The following CDK17 variants were observed in gnomAD, a reference collection of about 807,000 sequenced individuals.
CDK17 encodes the protein cyclin dependent kinase 17.
Under a neutral mutation model 77.6 loss-of-function variants are expected in CDK17, and 24 were observed. That is an observed-to-expected ratio of 0.31 (90% CI 0.22 to 0.44). CDK17 has a LOEUF of 0.44. CDK17 is among the 20% of genes least tolerant of loss of function. CDK17 has a pLI of 1.00. For missense variants in CDK17, 429 were observed against 622.5 expected (o/e 0.69, Z 3.31); for synonymous variants, 203 against 210.4 (o/e 0.96, Z 0.30).
intron 1 of CDK17, among the ~76,000 whole-genome samples, chr12:96,394,828 A>G (rs1057124816): frequency 2.0e-5 from 3 of 150,606 alleles, no homozygotes; most frequent in African/African-American, 4.9e-5. Context: ...AAAAAGGTAG[A>G]CAAAAAATAT....
intron 1 of CDK17, among the ~76,000 whole-genome samples, chr12:96,353,183 C>A (rs1953337871): frequency 6.6e-6 from 1 of 152,158 alleles, no homozygotes; most frequent in Non-Finnish European, 1.5e-5. Context: ...TAAATACATT[C>A]ACATGAATTC....
chr12:96,293,184 T>C (rs1463515869), intron 10 of CDK17, among the ~76,000 whole-genome samples: 2 of 152,206 alleles, frequency 1.3e-5, no homozygotes, highest in East Asian at 3.8e-4. Context: ...TGGCCTTCTT[T>C]CACATTTTTG....
chr12:96,304,297 C>G (rs538646916), intron 5 of CDK17, among the ~76,000 whole-genome samples: 31 of 152,028 alleles, frequency 2.0e-4, no homozygotes, highest in African/African-American at 7.3e-4. Context: ...CCAGCACTTT[C>G]GGAGGCCGAG....
At chr12:96,285,787 G>T (rs1041548860) in intron 13 of CDK17, 4 of 223,072 alleles carry the variant, frequency 1.8e-5, no homozygotes, top group Non-Finnish European at 3.5e-5. Context: ...TAATTCTGTA[G>T]AAAGCAAAAC....
chr12:96,394,243 C>T (rs1251164228), intron 1 of CDK17, among the ~76,000 whole-genome samples: 1 of 147,026 alleles, frequency 6.8e-6, no homozygotes, highest in Non-Finnish European at 1.5e-5. Context: ...GAGACTCCAT[C>T]TCAAAAAAAA....
chr12:96,383,113 T>C (rs1289405429), intron 1 of CDK17, among the ~76,000 whole-genome samples: 1 of 152,070 alleles, frequency 6.6e-6, no homozygotes, highest in East Asian at 1.9e-4. Context: ...ATTTCTATAT[T>C]ACAACATTCT....
chr12:96,365,121 T>C (rs528296340), intron 1 of CDK17, among the ~76,000 whole-genome samples: 1 of 152,206 alleles, frequency 6.6e-6, no homozygotes, highest in Non-Finnish European at 1.5e-5. Context: ...ATATTCAATG[T>C]TAAATAAAAA....
intron 1 of CDK17, among the ~76,000 whole-genome samples, chr12:96,395,723 T>G (rs780385245): frequency 6.6e-6 from 1 of 152,168 alleles, no homozygotes; most frequent in Non-Finnish European, 1.5e-5. Context: ...TAGGTTTAGA[T>G]TAGGTCCTAA....
At chr12:96,343,030 T>C (rs949251944) in intron 1 of CDK17, among the ~76,000 whole-genome samples, 3 of 152,272 alleles carry the variant, frequency 2.0e-5, no homozygotes, top group Non-Finnish European at 2.9e-5. Context: ...ATAGTATGAA[T>C]AGTGAAACAC....
At chr12:96,396,033 C>T (rs895694981) in intron 1 of CDK17, among the ~76,000 whole-genome samples, 1 of 152,188 alleles carries the variant, frequency 6.6e-6, no homozygotes, top group African/African-American at 2.4e-5. Flanking sequence ...CTTTGGAGAG[C>T]AAGATAATTT....
chr12:96,381,234 G>C (rs2137227618), intron 1 of CDK17, among the ~76,000 whole-genome samples: 1 of 152,240 alleles, frequency 6.6e-6, no homozygotes, highest in South Asian at 2.1e-4. Flanking sequence ...AACATTTCAA[G>C]GGCGATACCT....
Position 96,298,909 on chromosome 12 carries a change from C to T in CDK17, c.675G>A (p.Leu225=). The T allele has an allele frequency of 3.1e-6, 5 of 1,610,564 alleles. No homozygotes were observed. The highest frequency in any genetic ancestry group is 4.2e-6 in the Non-Finnish European group (5 of 1,177,122). ...ENLVALKEIR[L]EHEEGAPCTA... is the part of the protein sequence containing the mutation. Reference sequence around the variant, plus strand: ...TGCAGGGTGCACCTTCTTCATGTTCCAATCGGATCTCTTTTAATGCCACCA... The same window carrying T: ...TGCAGGGTGCACCTTCTTCATGTTCTAATCGGATCTCTTTTAATGCCACCA... The change falls in exon 7 of 17, where the codon TTG becomes TTA. Residue 225 remains leucine (L), a synonymous_variant. Coordinates refer to ENST00000261211, the MANE Select transcript of CDK17 (RefSeq NM_002595.5).
At chr12:96,388,604 A>C (rs1346754645) in intron 1 of CDK17, among the ~76,000 whole-genome samples, 2 of 152,246 alleles carry the variant, frequency 1.3e-5, no homozygotes, top group African/African-American at 2.4e-5. Context: ...GCAATGGATT[A>C]AACAATTTTA....
chr12:96,356,961 G>A (rs561801419), intron 1 of CDK17, among the ~76,000 whole-genome samples: 1 of 152,276 alleles, frequency 6.6e-6, no homozygotes, highest in Non-Finnish European at 1.5e-5. Context: ...ATTTGCAGAT[G>A]ATAAATCCCC....
At chr12:96,354,487 C>A (rs1040010662) in intron 1 of CDK17, among the ~76,000 whole-genome samples, 5 of 152,198 alleles carry the variant, frequency 3.3e-5, no homozygotes, top group Admixed American at 2.6e-4. Context: ...ACAATCAATG[C>A]ATCACCAAAG....
intron 1 of CDK17, among the ~76,000 whole-genome samples, chr12:96,338,105 G>A (rs1200189991): frequency 6.6e-6 from 1 of 152,178 alleles, no homozygotes; most frequent in East Asian, 1.9e-4. Flanking sequence ...TGCAGGAGAG[G>A]CTGGAGACTG....
intron 11 of CDK17, among the ~76,000 whole-genome samples, chr12:96,288,764 A>G (rs1279453672): frequency 2.0e-5 from 3 of 152,324 alleles, no homozygotes; most frequent in Middle Eastern, 3.4e-3. Context: ...AAGCAGAAAG[A>G]TTTTGGTGAA....
At position 96,311,067 on chromosome 12, in the gene CDK17, A is replaced by G; in HGVS notation, c.528T>C (p.Ser176=). The change falls in exon 5 of 17, where the codon TCT becomes TCC. Residue 176 remains serine (S), a synonymous_variant. Coordinates refer to ENST00000261211, the MANE Select transcript of CDK17 (RefSeq NM_002595.5). ...AAAAACTTACTAAGGAAGCTCTACGAGACCTTCGACTCATTGGTTGGTCAA... is the reference window on the plus strand; with the variant it reads ...AAAAACTTACTAAGGAAGCTCTACGGGACCTTCGACTCATTGGTTGGTCAA... The part of the protein sequence containing the change: ...PPFDQPMSRR[S]RRASLSEIGF... 1.9e-6 allele frequency: 3 copies of G among 1,599,720 alleles called. No homozygotes were observed. Among genetic ancestry groups the G allele is most frequent in the Non-Finnish European group, 2.6e-6 (3 of 1,175,928 alleles).
intron 10 of CDK17, 132 bp from the exon 11 acceptor site, chr12:96,289,419 A>G (rs1307139563): frequency 2.9e-5 from 27 of 919,664 alleles, no homozygotes; most frequent in Non-Finnish European, 4.3e-5. Context: ...CTTCACCACT[A>G]TTAACTTTAT....
Sources: allele counts gnomAD v4.1 joint callset (sites outside exome capture counted in the v4.1 genomes callset), GRCh38; gene constraint gnomAD v4.1.1; transcripts MANE v1.5; gene names NCBI Gene and HGNC (gene_info 2026-07-23, HGNC 2026-07-21).